The following ENAM variants were observed in gnomAD, a reference collection of about 807,000 sequenced individuals.
The protein encoded by ENAM is enamelin, also known as amelogenesis imperfecta 2, hypocalcification (autosomal dominant).
A neutral mutation model predicts 33.6 loss-of-function variants in ENAM; 21 were observed. That is an observed-to-expected ratio of 0.63 (90% CI 0.44 to 0.90). ENAM has a LOEUF of 0.90. Ranked by LOEUF, ENAM falls within the 40% of genes least tolerant of loss-of-function variation. ENAM has a pLI of 0.00. For synonymous variants in ENAM, 473 were observed against 468.4 expected (o/e 1.01, Z -0.13); for missense variants, 1,388 against 1,366.9 (o/e 1.02, Z -0.24).
chr4:70,640,892 G>C (rs1488701451), intron 8 of ENAM, among the ~76,000 whole-genome samples: 2 of 152,080 alleles, frequency 1.3e-5, no homozygotes, highest in Non-Finnish European at 2.9e-5. Flanking sequence ...GAGGAAAGGG[G>C]CCAAATTTCC....
In ENAM at chr4:70,646,158, T is replaced by C. The variant is rs547189187; in HGVS notation, c.*1303T>C. 7 of 152,280 alleles carry C rather than the reference T, an allele frequency of 4.6e-5. No individual in the cohort carries two copies. Among genetic ancestry groups the C allele is most frequent in the Admixed American group, 3.9e-4 (6 of 15,276 alleles). 9.4% of individuals were successfully genotyped at this position (152,280 alleles called of 1,614,324 possible). A position where few individuals can be genotyped will look rare whatever the true frequency, so the allele number is the denominator to read the frequency against. ...ATGCAGAATTACTTACAGACACTCT[T>C]TCTTGGTATCTTGAATAAATTGTGT... is the stretch of plus-strand genomic sequence containing the variant. On this transcript the variant is annotated 3_prime_UTR_variant, in exon 9 of 9. Coordinates refer to ENST00000396073, the MANE Select transcript of ENAM (RefSeq NM_031889.3).
intron 6 of ENAM, among the ~76,000 whole-genome samples, chr4:70,634,827 TC>T (rs1295322142): frequency 6.6e-6 from 1 of 152,188 alleles, no homozygotes; most frequent in African/African-American, 2.4e-5. Flanking sequence ...AATCTAACAG[TC>T]GAGAATCAAA....
In ENAM at chr4:70,644,548, A is replaced by G. The variant is rs1432164487; in HGVS notation, c.3122A>G (p.Glu1041Gly). Residue 1041 changes from glutamate (E) to glycine (G), a missense_variant, in exon 9 of 9, where the codon GAG becomes GGG. Transcript: ENST00000396073. ...EGIQSQVQEN[E>G]SERQQQRPSN... is the part of the protein sequence containing the mutation. Reference sequence around the variant, plus strand: ...ATCCAAAGTCAAGTCCAAGAAAATGAGAGTGAGAGGCAACAGCAAAGACCA... The same window carrying G: ...ATCCAAAGTCAAGTCCAAGAAAATGGGAGTGAGAGGCAACAGCAAAGACCA... 3 of 1,613,792 alleles carry G rather than the reference A, an allele frequency of 1.9e-6. No homozygotes were observed. In the Admixed American group the frequency reaches 5.0e-5, roughly 27 times the overall value.
At position 70,643,015 on chromosome 4, in the gene ENAM, A is replaced by T; in HGVS notation, c.1589A>T (p.Glu530Val). The change falls in exon 9 of 9, where the codon GAA (glutamate) becomes GTA (valine). Residue 530 changes from glutamate (E) to valine (V), a missense_variant. Glu to Val is a moderately radical substitution (Grantham distance 121). Coordinates refer to ENST00000396073, the MANE Select transcript of ENAM (RefSeq NM_031889.3). Reference protein sequence around the residue: ...IVLGSRRMPYESETNQSELKH... With the variant: ...IVLGSRRMPYVSETNQSELKH... ...TTAGGGTCAAGAAGGATGCCATATG[A>T]ATCAGAAACTAATCAGTCAGAATTA... 6.2e-7 allele frequency: 1 copy of T among 1,614,172 alleles called. No homozygotes were observed. The highest frequency in any genetic ancestry group is 1.3e-5 in the African/African-American group (1 of 75,034).
At position 70,637,853 on chromosome 4, in the gene ENAM, A is replaced by G; in HGVS notation, c.588+10A>G. On this transcript the variant is annotated intron_variant, in intron 8 of 8. Coordinates refer to ENST00000396073, the MANE Select transcript of ENAM (RefSeq NM_031889.3). ...CAATGAAGAAGGGGGGGTAAGTACA[A>G]GTAAAACTACATTCTCCACTAGAAA... 2 of 1,597,548 alleles carry G rather than the reference A, an allele frequency of 1.3e-6. No homozygotes were observed. Among genetic ancestry groups the G allele is most frequent in the South Asian group, 2.2e-5 (2 of 90,786 alleles).
chr4:70,642,393 C>A lies in ENAM; in HGVS notation c.967C>A (p.Pro323Thr), dbSNP rs1200086665. ...QPNIRENHPY[P>T]NIRNFPSGRQ... is the part of the protein sequence containing the mutation. The stretch of plus-strand genomic sequence containing the variant: ...AAATATTCGTGAAAATCATCCATAT[C>A]CTAATATAAGAAATTTTCCTTCAGG... Residue 323 changes from proline (P) to threonine (T), a missense_variant, in exon 9 of 9, where the codon CCT becomes ACT. Coordinates refer to ENST00000396073, the MANE Select transcript of ENAM (RefSeq NM_031889.3). 1 of 1,614,162 alleles carries A rather than the reference C, an allele frequency of 6.2e-7. No homozygotes were observed. Among genetic ancestry groups the A allele is most frequent in the Non-Finnish European group, 8.5e-7 (1 of 1,180,022 alleles).
At chr4:70,633,825 A>G (rs1560400669) in intron 5 of ENAM, among the ~76,000 whole-genome samples, 1 of 152,130 alleles carries the variant, frequency 6.6e-6, no homozygotes, top group Admixed American at 6.5e-5. Flanking sequence ...ACACCATATA[A>G]GTGTGTTTAC....
intron 8 of ENAM, among the ~76,000 whole-genome samples, chr4:70,639,865 G>A (rs952790509): frequency 1.3e-5 from 2 of 152,108 alleles, no homozygotes; most frequent in Non-Finnish European, 2.9e-5. Context: ...CTCCAGCCTG[G>A]GCAACAAAGA....
rs1738321407 is a variant in ENAM, at chr4:70,631,594, G to A, written c.55-76G>A. On this transcript the variant is annotated intron_variant, in intron 2 of 8. Transcript: ENST00000396073. Reference sequence around the variant, plus strand: ...CTCTCCTTGACAGACAAGTAGGCTAGTACTTAGATAAGTGCAGAGTGCCCT... The same window carrying A: ...CTCTCCTTGACAGACAAGTAGGCTAATACTTAGATAAGTGCAGAGTGCCCT... The A allele has an allele frequency of 5.7e-6, 6 of 1,058,646 alleles. No individual in the cohort carries two copies. The South Asian group carries it at 7.6e-5, about 13-fold the overall frequency. 65.6% of individuals were successfully genotyped at this position (1,058,646 alleles called of 1,614,324 possible). A position where few individuals can be genotyped will look rare whatever the true frequency, so the allele number is the denominator to read the frequency against.
chr4:70,636,012 A>G lies in ENAM; in HGVS notation c.534+118A>G, dbSNP rs544285921. Reference sequence around the variant, plus strand: ...TACCATATACCAATCAGTAGATGGTATGAAACAAAACCAGTGCATCAGTAA... The same window carrying G: ...TACCATATACCAATCAGTAGATGGTGTGAAACAAAACCAGTGCATCAGTAA... On this transcript the variant is annotated intron_variant, in intron 7 of 8. Coordinates refer to ENST00000396073, the MANE Select transcript of ENAM (RefSeq NM_031889.3). 41 of 559,278 alleles carry G rather than the reference A, an allele frequency of 7.3e-5. 1 individual carries two copies. The highest frequency in any genetic ancestry group is 5.0e-4 in the Admixed American group (16 of 31,746). The allele number at this position is 559,278 out of a possible 1,614,324, so 34.6% of individuals were successfully genotyped here.
At chr4:70,631,613 G>A in intron 2 of ENAM, 57 bp from the exon 3 acceptor site, 8 of 1,248,994 alleles carry the variant, frequency 6.4e-6, no homozygotes, top group Non-Finnish European at 9.4e-6. Flanking sequence ...TAAGTGCAGA[G>A]TGCCCTAAGC....
chr4:70,643,580 A>AT lies in ENAM; in HGVS notation c.2158dup (p.Tyr720LeufsTer7), dbSNP rs748215878. The stretch of plus-strand genomic sequence containing the variant: ...CAAGGGAGGATTTTTATTACAGTGA[A>AT]TTTTACCCATGGAGCCCGGATGAGA... On this transcript the variant is annotated frameshift_variant, in exon 9 of 9. Coordinates refer to ENST00000396073, the MANE Select transcript of ENAM (RefSeq NM_031889.3). LOFTEE classifies it low-confidence loss of function (END_TRUNC). 5 of 1,614,000 alleles carry AT rather than the reference A, an allele frequency of 3.1e-6. No homozygotes were observed. Among genetic ancestry groups the AT allele is most frequent in the African/African-American group, 1.3e-5 (1 of 74,904 alleles).
chr4:70,632,690 C>G lies in ENAM; in HGVS notation c.208C>G (p.His70Asp). The G allele has an allele frequency of 6.3e-7, 1 of 1,595,530 alleles. No individual in the cohort carries two copies. Among genetic ancestry groups the G allele is most frequent in the Non-Finnish European group, 8.6e-7 (1 of 1,163,422 alleles). The change falls in exon 5 of 9, where the codon CAT becomes GAT. Residue 70 changes from histidine (H) to aspartate (D), a missense_variant and splice_region_variant. Transcript: ENST00000396073. ...YNQFNFMNGP[H>D]MAHLGPFFGN... ...TCAATTCAACTTTATGAACGGCCCACATGTAAGTTTTTCTTTATGTTATTT... is the reference window on the plus strand; with the variant it reads ...TCAATTCAACTTTATGAACGGCCCAGATGTAAGTTTTTCTTTATGTTATTT...
At chr4:70,636,305 CT>C (rs1417229469) in intron 7 of ENAM, among the ~76,000 whole-genome samples, 1 of 152,020 alleles carries the variant, frequency 6.6e-6, no homozygotes, top group Non-Finnish European at 1.5e-5. Flanking sequence ...CATTTTCATC[CT>C]ATCTTACTGT....
chr4:70,628,765 G>A lies in ENAM; in HGVS notation c.-260G>A, dbSNP rs1738237900. ...GAATCTTTTTATTTTGAGCCTTTTT[G>A]ATACTGAACATGATATCTGAGTGAA... is the stretch of plus-strand genomic sequence containing the variant. On this transcript the variant is annotated 5_prime_UTR_variant, in exon 1 of 9. Coordinates refer to ENST00000396073, the MANE Select transcript of ENAM (RefSeq NM_031889.3). 1 of 152,084 alleles carries A rather than the reference G, an allele frequency of 6.6e-6. No individual in the cohort carries two copies. The highest frequency in any genetic ancestry group is 1.5e-5 in the Non-Finnish European group (1 of 68,018). The allele number at this position is 152,084 out of a possible 1,614,324, so 9.4% of individuals were successfully genotyped here. A position where few individuals can be genotyped will look rare whatever the true frequency, so the allele number is the denominator to read the frequency against.
chr4:70,644,354 T>C lies in ENAM; in HGVS notation c.2928T>C (p.Ser976=). ...AAATTATGCCCTTTCCTGAAGCCAGTTCCCTTCAATCAAAGAATACACCTT... is the reference window on the plus strand; with the variant it reads ...AAATTATGCCCTTTCCTGAAGCCAGCTCCCTTCAATCAAAGAATACACCTT... The part of the protein sequence containing the change: ...QKEIMPFPEA[S]SLQSKNTPCL... The change falls in exon 9 of 9, where the codon AGT becomes AGC. Residue 976 remains serine, a synonymous_variant. Coordinates refer to ENST00000396073, the MANE Select transcript of ENAM (RefSeq NM_031889.3). The C allele has an allele frequency of 1.2e-6, 2 of 1,614,188 alleles. No homozygotes were observed. Among genetic ancestry groups the C allele is most frequent in the Non-Finnish European group, 1.7e-6 (2 of 1,180,000 alleles).
rs754398791 is a variant in ENAM at position 70,641,996 on chromosome 4, T to A, written c.589-19T>A. 6.3e-7 allele frequency: 1 copy of A among 1,594,250 alleles called. No homozygotes were observed. Among genetic ancestry groups the A allele is most frequent in the South Asian group, 1.1e-5 (1 of 90,644 alleles). On this transcript the variant is annotated intron_variant, in intron 8 of 8. Coordinates refer to ENST00000396073, the MANE Select transcript of ENAM (RefSeq NM_031889.3). ...GGGAAACAAAGGGCAATTATTGATT[T>A]CCATTTTCTTTCCTACAGAATCCTT...
rs1300390801 is a variant in ENAM at position 70,646,276 on chromosome 4, G to C, written c.*1421G>C. ...TTAATAACATGTTGGCCTATTATCTGGATGTCCCTTGCCTAGAGCAGGAAA... is the reference window on the plus strand; with the variant it reads ...TTAATAACATGTTGGCCTATTATCTCGATGTCCCTTGCCTAGAGCAGGAAA... On this transcript the variant is annotated 3_prime_UTR_variant, in exon 9 of 9. Transcript: ENST00000396073. The C allele has an allele frequency of 1.3e-5, 2 of 151,990 alleles. No individual in the cohort carries two copies. Among genetic ancestry groups the C allele is most frequent in the Non-Finnish European group, 2.9e-5 (2 of 67,988 alleles). 9.4% of individuals were successfully genotyped at this position (151,990 alleles called of 1,614,324 possible).
rs1412677661 is a variant in ENAM at position 70,646,058 on chromosome 4, T to G, written c.*1203T>G. 1 of 149,044 alleles carries G rather than the reference T, an allele frequency of 6.7e-6. No individual in the cohort carries two copies. Among genetic ancestry groups the G allele is most frequent in the Non-Finnish European group, 1.5e-5 (1 of 67,758 alleles). 9.2% of individuals were successfully genotyped at this position (149,044 alleles called of 1,614,324 possible). A position where few individuals can be genotyped will look rare whatever the true frequency, so the allele number is the denominator to read the frequency against. ...CTTAAATAAAAACTCAATGTTTAGT[T>G]GTTTTTTTTTTTTTTTACTAGTTCA... On this transcript the variant is annotated 3_prime_UTR_variant, in exon 9 of 9. Coordinates refer to ENST00000396073, the MANE Select transcript of ENAM (RefSeq NM_031889.3).
Sources: allele counts gnomAD v4.1 joint callset (sites outside exome capture counted in the v4.1 genomes callset), GRCh38; gene constraint gnomAD v4.1.1; transcripts MANE v1.5; gene names NCBI Gene and HGNC (gene_info 2026-07-23, HGNC 2026-07-21).